DHX57: variants seen among roughly 807,000 people sequenced by gnomAD.
DHX57 encodes putative ATP-dependent RNA helicase DHX57.
In DHX57, 105 loss-of-function variants were observed where a neutral mutation model predicts 156.2. The observed-to-expected ratio is 0.67, with a 90% CI of 0.57 to 0.79. DHX57 has a LOEUF of 0.79. Among genes scored for constraint, DHX57 ranks in the 30% least tolerant of loss-of-function variants. The pLI is 0.00. For missense variants in DHX57, 1,847 were observed against 1,661.9 expected, an observed-to-expected ratio of 1.11 and a Z score of -1.94; for synonymous variants, 704 against 595.6, an observed-to-expected ratio of 1.18 and a Z score of -2.65.
chr2:38,837,803 A>T (rs1671760027), intron 13 of DHX57, 28 bp downstream of exon 13: 4 of 1,375,410 alleles, frequency 2.9e-6, no homozygotes, highest in East Asian at 4.6e-5. Context: ...TTCAATTGTC[A>T]TTCAAGCCTT....
At chr2:38,812,894 C>T (rs989194823) in intron 21 of DHX57, among the ~76,000 whole-genome samples, 1 of 151,454 alleles carries the variant, frequency 6.6e-6, no homozygotes, top group South Asian at 2.1e-4. Flanking sequence ...GTGGCCCAGG[C>T]TGGGGTACAG....
chr2:38,798,526 C>T (rs998495970), intron 23 of DHX57, 84 bp from the exon 24 acceptor site: 8 of 1,427,468 alleles, frequency 5.6e-6, no homozygotes, highest in Non-Finnish European at 7.5e-6. Context: ...GTTATGATTA[C>T]CATTATTTAG....
intron 19 of DHX57, among the ~76,000 whole-genome samples, chr2:38,816,623 G>C (rs1670561027): frequency 1.3e-5 from 2 of 152,142 alleles, no homozygotes; most frequent in Admixed American, 6.6e-5. Flanking sequence ...CTGCACATCA[G>C]ACAAAGAGAA....
chr2:38,838,679 A>G (rs1671816801), intron 12 of DHX57: 1 of 410,634 alleles, frequency 2.4e-6, no homozygotes, highest in South Asian at 1.8e-5. Context: ...ATGGCAATCA[A>G]TGGACAGAGA....
rs536702882 is a variant in DHX57, at chr2:38,840,980, G to A, written c.2425+2025C>T. Among the ~76,000 whole-genome samples, 24 of 152,092 alleles carry A rather than the reference G, an allele frequency of 1.6e-4. No individual in the cohort carries two copies. The South Asian group carries it at 3.7e-3, about 24-fold the overall frequency. On this transcript the variant is annotated intron_variant, in intron 12 of 23. Transcript: ENST00000457308. ...ACTACAGGTGCCAACTACCATGCCC[G>A]GCTAATTTTAAAAAACATTTGTAGT...
At chr2:38,838,655 G>A in intron 12 of DHX57, 2 of 343,256 alleles carry the variant, frequency 5.8e-6, no homozygotes. Context: ...TGGAAGTCCA[G>A]GTAACACTAA....
chr2:38,812,226 C>CT (rs1670283644), intron 21 of DHX57, among the ~76,000 whole-genome samples: 2 of 151,440 alleles, frequency 1.3e-5, no homozygotes, highest in African/African-American at 2.4e-5. Context: ...ATCCAAATGA[C>CT]TTTTTTCCCT....
chr2:38,814,660 T>G (rs770721511), intron 20 of DHX57, among the ~76,000 whole-genome samples: 3 of 152,072 alleles, frequency 2.0e-5, no homozygotes, highest in African/African-American at 4.8e-5. Flanking sequence ...CTATCTCTTA[T>G]GAATTTATCA....
At chr2:38,837,743 G>C in intron 13 of DHX57, 88 bp downstream of exon 13, 1 of 780,696 alleles carries the variant, frequency 1.3e-6, no homozygotes, top group Non-Finnish European at 2.2e-6. Context: ...GAGTCTGCAT[G>C]TAATTCAAGC....
chr2:38,822,487 AG>A (rs1405609873), intron 17 of DHX57, among the ~76,000 whole-genome samples: 3 of 151,936 alleles, frequency 2.0e-5, no homozygotes, highest in Non-Finnish European at 2.9e-5. Context: ...TCCGCCTCCC[AG>A]GTTCAAGCGA....
At chr2:38,854,432 C>T (rs1672773496) in intron 8 of DHX57, 2 of 273,802 alleles carry the variant, frequency 7.3e-6, no homozygotes, top group East Asian at 8.2e-5. Flanking sequence ...CTCAATCTGT[C>T]TGCTCCTTAT....
Position 38,855,166 on chromosome 2 carries a change from G to C in DHX57, c.1796C>G (p.Thr599Ser), listed in dbSNP as rs1034346749. The C allele has an allele frequency of 6.2e-7, 1 of 1,613,982 alleles. No homozygotes were observed. The highest frequency in any genetic ancestry group is 1.3e-5 in the African/African-American group (1 of 74,902). ...GATTGCAGAGATTCGTCGGGGTTGG[G>C]TACAGATGATGTTGGCTACCTTCTC... is the stretch of plus-strand genomic sequence containing the variant. ...PPEKVANIICTQPRRISAISV... is the reference protein window; with the variant it reads ...PPEKVANIICSQPRRISAISV... The change falls in exon 8 of 24, where the codon ACC (threonine) becomes AGC (serine). Residue 599 changes from threonine to serine, a missense_variant. Coordinates refer to ENST00000457308, the MANE Select transcript of DHX57 (RefSeq NM_198963.3).
intron 12 of DHX57, among the ~76,000 whole-genome samples, chr2:38,838,184 G>A (rs551824020): frequency 5.9e-5 from 9 of 152,010 alleles, no homozygotes; most frequent in Admixed American, 3.9e-4. Context: ...CTGCAGCCTC[G>A]ACCTCCCAGG....
intron 16 of DHX57, among the ~76,000 whole-genome samples, chr2:38,824,671 G>C (rs994775767): frequency 6.6e-6 from 1 of 152,098 alleles, no homozygotes; most frequent in African/African-American, 2.4e-5. Context: ...GGGGGGTATA[G>C]AGTTTCATTC....
intron 5 of DHX57, among the ~76,000 whole-genome samples, chr2:38,859,231 C>T (rs930878530): frequency 1.3e-4 from 20 of 152,152 alleles, no homozygotes; most frequent in Non-Finnish European, 2.5e-4. Flanking sequence ...TGCTAGAACA[C>T]GGATGAACCT....
intron 21 of DHX57, among the ~76,000 whole-genome samples, chr2:38,807,803 C>T (rs1357919004): frequency 5.3e-5 from 8 of 151,338 alleles, no homozygotes; most frequent in African/African-American, 1.7e-4. Context: ...ATGAGCACCA[C>T]GCCTGGCTAA....
intron 2 of DHX57, among the ~76,000 whole-genome samples, chr2:38,865,934 A>T (rs1488119665): frequency 6.6e-6 from 1 of 152,180 alleles, no homozygotes; most frequent in Non-Finnish European, 1.5e-5. Flanking sequence ...AAGCACACCC[A>T]GTCAATGCTA....
chr2:38,873,847 T>C (rs1163125477), intron 1 of DHX57, among the ~76,000 whole-genome samples: 2 of 152,126 alleles, frequency 1.3e-5, no homozygotes, highest in Non-Finnish European at 2.9e-5. Flanking sequence ...GAGGCAGTTA[T>C]TTTAGATAGA....
At chr2:38,870,416 T>A (rs1370971891) in intron 1 of DHX57, among the ~76,000 whole-genome samples, 4 of 152,074 alleles carry the variant, frequency 2.6e-5, no homozygotes, top group African/African-American at 9.7e-5. Context: ...AAAATAGACA[T>A]GTTGCAATAA....
Sources: allele counts gnomAD v4.1 joint callset (sites outside exome capture counted in the v4.1 genomes callset), GRCh38; gene constraint gnomAD v4.1.1; transcripts MANE v1.5; gene names NCBI Gene and HGNC (gene_info 2026-07-23, HGNC 2026-07-21).